PIEZO2: variants seen among roughly 807,000 people sequenced by gnomAD.
The protein encoded by PIEZO2 is piezo-type mechanosensitive ion channel component 2.
PIEZO2 carries 172 observed loss-of-function variants against 337.3 expected under a neutral mutation model. That is an observed-to-expected ratio of 0.51 (90% CI 0.45 to 0.58). The LOEUF (loss-of-function observed/expected upper bound fraction) is 0.58, where lower values mean the gene tolerates loss of function less well. PIEZO2 is among the 20% of genes least tolerant of loss of function. The pLI, the probability that PIEZO2 is intolerant of heterozygous loss-of-function variation, is 0.00. For synonymous variants in PIEZO2, 1,251 were observed against 1,228.5 expected (o/e 1.02, Z -0.38); for missense variants, 3,028 against 3,391.3 (o/e 0.89, Z 2.66).
intron 1 of PIEZO2, among the ~76,000 whole-genome samples, chr18:11,068,027 T>C (rs946431108): frequency 3.9e-5 from 6 of 152,202 alleles, no homozygotes; most frequent in Non-Finnish European, 7.3e-5. Context: ...GTTCACGCCA[T>C]TTTCCTGCCT....
chr18:10,886,408 A>ATATATATATATATATATG (rs2042601073), intron 4 of PIEZO2, among the ~76,000 whole-genome samples: 1 of 13,756 alleles, frequency 7.3e-5, no homozygotes, highest in Non-Finnish European at 1.3e-4. Context: ...ATATATATAT[A>ATATATATATATATATATG]TATATATATA....
Position 11,148,817 on chromosome 18 carries a change from C to A in PIEZO2, c.-229G>T, listed in dbSNP as rs954078802. 1 of 454,364 alleles carries A rather than the reference C, an allele frequency of 2.2e-6. No homozygotes were observed. The highest frequency in any genetic ancestry group is 3.8e-6 in the Non-Finnish European group (1 of 260,856). 28.1% of individuals were successfully genotyped at this position (454,364 alleles called of 1,614,324 possible). The stretch of plus-strand genomic sequence containing the variant: ...GGGTAGCCCCTCACCAGGCTCTTGG[C>A]GGCCACCTAGCCCGGCGCCCGGCCC... On this transcript the variant is annotated 5_prime_UTR_variant, in exon 1 of 56. Coordinates refer to ENST00000674853, the MANE Select transcript of PIEZO2 (RefSeq NM_001378183.1). This position sits in a 1 kb window ranked among gnomAD's most constrained non-coding sequence, Gnocchi z 5.2.
In PIEZO2 at chr18:11,066,161, A is replaced by G; in HGVS notation, c.126T>C (p.Pro42=). ...FVYLIYLLLI[P]LFSEPTKTTM... ...TCGTTTTTGTTGGTTCTGAGAACAG[A>G]GGAATGAGCAAGAGGTAGATAAGGT... Residue 42 remains proline (P), a synonymous_variant, in exon 2 of 56, where the codon CCT becomes CCC. Transcript: ENST00000674853. 1 of 1,536,876 alleles carries G rather than the reference A, an allele frequency of 6.5e-7. No homozygotes were observed. The highest frequency in any genetic ancestry group is 8.7e-7 in the Non-Finnish European group (1 of 1,146,594).
intron 4 of PIEZO2, among the ~76,000 whole-genome samples, chr18:10,887,847 A>G (rs181051726): frequency 4.6e-5 from 7 of 152,304 alleles, no homozygotes; most frequent in Non-Finnish European, 8.8e-5. Flanking sequence ...ATACACAGAC[A>G]TGGTGCTGTA....
chr18:10,804,315 A>T (rs2039924773), intron 8 of PIEZO2, among the ~76,000 whole-genome samples: 1 of 152,230 alleles, frequency 6.6e-6, no homozygotes, highest in Non-Finnish European at 1.5e-5. Flanking sequence ...CTCTTAGCCA[A>T]GAGCCTTCAC....
chr18:10,687,004 C>G (rs1331874487), intron 49 of PIEZO2, among the ~76,000 whole-genome samples: 1 of 152,178 alleles, frequency 6.6e-6, no homozygotes, highest in Non-Finnish European at 1.5e-5. Flanking sequence ...TTACACTCTT[C>G]CATTAGCTCT....
chr18:11,143,601 AC>A lies in PIEZO2; in HGVS notation c.64+4923del, dbSNP rs1285125388. 5.0e-5 allele frequency among the ~76,000 whole-genome samples: 1 copy of A among 19,968 alleles called. No homozygotes were observed. The highest frequency in any genetic ancestry group is 7.9e-5 in the African/African-American group (1 of 12,700). 13.1% of individuals were successfully genotyped at this position (19,968 alleles called of 152,430 possible). On this transcript the variant is annotated intron_variant, in intron 1 of 55. Coordinates refer to ENST00000674853, the MANE Select transcript of PIEZO2 (RefSeq NM_001378183.1). This position sits in a 1 kb window ranked among gnomAD's most constrained non-coding sequence, Gnocchi z 4.9. ...AAATCCTGAGAACTAAAAATCTCTA[AC>A]ACACACACACACACACACACACACA...
At chr18:11,100,768 T>G (rs1431402137) in intron 1 of PIEZO2, among the ~76,000 whole-genome samples, 1 of 152,134 alleles carries the variant, frequency 6.6e-6, no homozygotes, top group Non-Finnish European at 1.5e-5. Flanking sequence ...GCTAATTTTT[T>G]GTATTTTTAG....
chr18:10,889,487 A>G (rs1046722114), intron 4 of PIEZO2, among the ~76,000 whole-genome samples: 1 of 152,166 alleles, frequency 6.6e-6, no homozygotes, highest in Non-Finnish European at 1.5e-5. Flanking sequence ...GAGTATTTAG[A>G]CTATGTTTTT....
At chr18:10,755,816 A>T (rs900971570) in intron 27 of PIEZO2, among the ~76,000 whole-genome samples, 4 of 146,798 alleles carry the variant, frequency 2.7e-5, no homozygotes, top group Non-Finnish European at 6.1e-5. Flanking sequence ...AGAAGTGAGG[A>T]TGAGGACCAA....
chr18:11,020,555 T>C (rs1346643544), intron 2 of PIEZO2, among the ~76,000 whole-genome samples: 1 of 152,304 alleles, frequency 6.6e-6, no homozygotes, highest in East Asian at 1.9e-4. Flanking sequence ...TCACAGCTCT[T>C]GGGGCTGTGG....
In PIEZO2 at chr18:10,942,485, C is replaced by A. The variant is rs2032782328; in HGVS notation, c.287-31257G>T. Among the ~76,000 whole-genome samples the A allele has an allele frequency of 6.6e-6, 1 of 152,108 alleles. No individual in the cohort carries two copies. Among genetic ancestry groups the A allele is most frequent in the South Asian group, 2.1e-4 (1 of 4,812 alleles). ...AGCAAAGCGACTGGCAGCATTCTGC[C>A]CCTGCCCTAGAGATTTGTGGAACTT... is the stretch of plus-strand genomic sequence containing the variant. On this transcript the variant is annotated intron_variant, in intron 3 of 55. Transcript: ENST00000674853. This position sits in a 1 kb window ranked among gnomAD's most constrained non-coding sequence, Gnocchi z 4.4.
chr18:10,763,376 G>C (rs1568031227), intron 21 of PIEZO2: 1 of 378,100 alleles, frequency 2.6e-6, no homozygotes, highest in Non-Finnish European at 4.8e-6. Flanking sequence ...GCAGGCTCCT[G>C]TGAGAGCGCC....
intron 3 of PIEZO2, among the ~76,000 whole-genome samples, chr18:10,923,508 C>T (rs1669673933): frequency 6.6e-6 from 1 of 152,164 alleles, no homozygotes. Context: ...TGTGTCTGAG[C>T]AAGAGGCCAC....
intron 4 of PIEZO2, among the ~76,000 whole-genome samples, chr18:10,886,511 T>TATATATATATA (rs2042613445): frequency 8.4e-6 from 1 of 118,368 alleles, no homozygotes; most frequent in African/African-American, 3.6e-5. Flanking sequence ...CATATACACA[T>TATATATATATA]TATATATATA....
chr18:10,890,000 T>G (rs922026280), intron 4 of PIEZO2, among the ~76,000 whole-genome samples: 2 of 152,332 alleles, frequency 1.3e-5, no homozygotes, highest in Admixed American at 1.3e-4. Flanking sequence ...TGTCCATAAT[T>G]ATACACAGCC....
Position 10,800,342 on chromosome 18 carries a change from G to C in PIEZO2, c.1373C>G (p.Ser458Cys), listed in dbSNP as rs778003564. The C allele has an allele frequency of 3.6e-5, 56 of 1,534,560 alleles. No homozygotes were observed. The highest frequency in any genetic ancestry group is 4.5e-5 in the Non-Finnish European group (52 of 1,145,818). The change falls in exon 11 of 56, where the codon TCC (serine) becomes TGC (cysteine). Residue 458 changes from serine to cysteine, a missense_variant. Ser to Cys is a moderately radical substitution (Grantham distance 112). This residue lies in a region of PIEZO2 where 542 missense variants were observed against 605.6 expected (regional missense o/e 0.89). Coordinates refer to ENST00000674853, the MANE Select transcript of PIEZO2 (RefSeq NM_001378183.1). ...PQYRWEPSDESSEKREEEEEE... is the reference protein window; with the variant it reads ...PQYRWEPSDECSEKREEEEEE... ...AGTGCAGGGCTGGCTCCTACCTGAG[G>C]ATTCATCAGAGGGCTCCCACCGGTA...
intron 1 of PIEZO2, among the ~76,000 whole-genome samples, chr18:11,147,756 C>T (rs952976070): frequency 6.6e-6 from 1 of 152,230 alleles, no homozygotes; most frequent in Non-Finnish European, 1.5e-5. Flanking sequence ...TTGCTTTGCA[C>T]GCCAGGCCAG....
chr18:10,681,870 A>G, intron 50 of PIEZO2, 117 bp from the exon 51 acceptor site: 7 of 942,972 alleles, frequency 7.4e-6, no homozygotes, highest in Non-Finnish European at 1.1e-5. Context: ...TGTTTATCCC[A>G]TGATACATGG....
Sources: allele counts gnomAD v4.1 joint callset (sites outside exome capture counted in the v4.1 genomes callset), GRCh38; gene constraint gnomAD v4.1.1; regional missense constraint gnomAD v4.1.1; non-coding constraint Gnocchi (gnomAD v3.1); transcripts MANE v1.5; gene names NCBI Gene and HGNC (gene_info 2026-07-23, HGNC 2026-07-21).